The following KLRD1 variants were observed in gnomAD, a reference collection of about 807,000 sequenced individuals.
KLRD1 encodes the protein natural killer cells antigen CD94.
KLRD1 carries 21 observed loss-of-function variants against 22.6 expected under a neutral mutation model. The ratio of observed to expected loss-of-function variants is 0.93; its 90% confidence interval spans 0.66 to 1.34. The LOEUF is 1.34. KLRD1 is among the 40% of genes most tolerant of loss of function. The probability of loss-of-function intolerance (pLI) is 0.00; values close to 1 mark genes in which losing one functional copy is unlikely to be tolerated. For missense variants in KLRD1, 183 were observed against 208.6 expected (o/e 0.88, Z 0.76); for synonymous variants, 59 against 71.1 (o/e 0.83, Z 0.85).
At chr12:10,242,442 A>G (rs1220211979) in intron 1 of KLRD1, among the ~76,000 whole-genome samples, 1 of 152,174 alleles carries the variant, frequency 6.6e-6, no homozygotes, top group Non-Finnish European at 1.5e-5. Flanking sequence ...CAAAGCAGCT[A>G]CCCACTGTAC....
intron 1 of KLRD1, among the ~76,000 whole-genome samples, chr12:10,243,778 A>G (rs969349988): frequency 2.0e-4 from 31 of 152,260 alleles, no homozygotes; most frequent in Middle Eastern, 3.4e-3. Context: ...TATAATGTGA[A>G]ATAGTGATCT....
Position 10,239,274 on chromosome 12 carries a change from T to TC in KLRD1, c.-101+13042dup, listed in dbSNP as rs1162135186. On this transcript the variant is annotated intron_variant, in intron 1 of 5. Transcript: ENST00000544747. ...AGCAAACAAACTTGTATAATTAATC[T>TC]CTAGGAGCACGGGTTCTAATAAGCC... 2.6e-5 allele frequency among the ~76,000 whole-genome samples: 4 copies of TC among 152,266 alleles called. No individual in the cohort carries two copies. The East Asian group carries it at 7.7e-4, about 29-fold the overall frequency.
intron 1 of KLRD1, among the ~76,000 whole-genome samples, chr12:10,293,691 CT>C (rs1302121569): frequency 6.6e-6 from 1 of 151,926 alleles, no homozygotes; most frequent in Non-Finnish European, 1.5e-5. Flanking sequence ...TGAGCACATG[CT>C]TTAAAAAAAA....
At chr12:10,307,679 T>G (rs1186554996), upstream of KLRD1, 2 of 161,384 alleles carry the variant, frequency 1.2e-5, no homozygotes, top group African/African-American at 2.4e-5. Flanking sequence ...ATTTCCTTCA[T>G]TTTCCAGATA....
chr12:10,309,460 T>C lies in KLRD1; in HGVS notation c.80T>C (p.Leu27Ser), dbSNP rs1461290543. Residue 27 changes from leucine to serine, a missense_variant, in exon 2 of 6, where the codon TTG becomes TCG. Leu to Ser is a moderately radical substitution (Grantham distance 145). Coordinates refer to ENST00000336164, the MANE Select transcript of KLRD1 (RefSeq NM_002262.5). Reference protein sequence around the residue: ...GIICLSLMSTLGILLKNSFTK... With the variant: ...GIICLSLMSTSGILLKNSFTK... ...ATATGCCTTTCGTTGATGTCTACGT[T>C]GGGAATTTTGTTGAAAAATTGTAAG... The C allele has an allele frequency of 2.0e-6, 3 of 1,519,148 alleles. No homozygotes were observed. The highest frequency in any genetic ancestry group is 2.7e-6 in the Non-Finnish European group (3 of 1,093,314). The allele number at this position is 1,519,148 out of a possible 1,614,324, so 94.1% of individuals were successfully genotyped here.
chr12:10,274,745 G>T (rs1949577982), intron 1 of KLRD1, among the ~76,000 whole-genome samples: 1 of 151,908 alleles, frequency 6.6e-6, no homozygotes, highest in South Asian at 2.1e-4. Flanking sequence ...ATTATATTTA[G>T]TTCTTTTACA....
intron 1 of KLRD1, among the ~76,000 whole-genome samples, chr12:10,287,682 A>T (rs995582892): frequency 2.6e-5 from 4 of 152,230 alleles, no homozygotes; most frequent in African/African-American, 4.8e-5. Flanking sequence ...GTAACTAAAA[A>T]TTTGCTAGGA....
At chr12:10,243,945 A>G (rs1457294326) in intron 1 of KLRD1, among the ~76,000 whole-genome samples, 1 of 152,176 alleles carries the variant, frequency 6.6e-6, no homozygotes, top group Non-Finnish European at 1.5e-5. Flanking sequence ...AGGTGTCAGT[A>G]CCTCACACGA....
chr12:10,264,703 T>TGTGTGTGTGTGTGTGTGTG (rs55751873), intron 1 of KLRD1, among the ~76,000 whole-genome samples: 1 of 150,392 alleles, frequency 6.6e-6, no homozygotes, highest in African/African-American at 2.4e-5. Flanking sequence ...TGTGTGTGTG[T>TGTGTGTGTGTGTGTGTGTG]AGTGAGAACA....
chr12:10,240,298 C>T (rs544895005), intron 1 of KLRD1, among the ~76,000 whole-genome samples: 1 of 152,046 alleles, frequency 6.6e-6, no homozygotes, highest in East Asian at 1.9e-4. Flanking sequence ...TGAGCTCAAG[C>T]GATCTGCCCG....
intron 4 of KLRD1, among the ~76,000 whole-genome samples, chr12:10,311,976 T>C (rs1351716922): frequency 6.6e-6 from 1 of 152,020 alleles, no homozygotes; most frequent in African/African-American, 2.4e-5. Flanking sequence ...TATAATTTTA[T>C]AGTTTTTGTC....
intron 4 of KLRD1, among the ~76,000 whole-genome samples, chr12:10,312,051 C>CTTTTTT (rs71049085): frequency 1.9e-4 from 24 of 123,178 alleles, no homozygotes; most frequent in African/African-American, 2.7e-4. Context: ...CTTTTCTTTT[C>CTTTTTT]TTTTTTTTTT....
Position 10,315,516 on chromosome 12 carries a change from A to G in KLRD1, c.*723A>G, listed in dbSNP as rs1950203579. The G allele has an allele frequency of 6.0e-6, 1 of 167,712 alleles. No individual in the cohort carries two copies. Among genetic ancestry groups the G allele is most frequent in the Non-Finnish European group, 1.3e-5 (1 of 77,458 alleles). The allele number at this position is 167,712 out of a possible 1,614,324, so 10.4% of individuals were successfully genotyped here. On this transcript the variant is annotated 3_prime_UTR_variant, in exon 6 of 6. Transcript: ENST00000336164. The stretch of plus-strand genomic sequence containing the variant: ...TAGGATGAAAAATAATATCTTTCAA[A>G]TGTTTAATTTGAACTAAGAGAGCTT...
Position 10,309,696 on chromosome 12 carries a change from A to T in KLRD1, c.163+8A>T, listed in dbSNP as rs142113165. 1.2e-6 allele frequency: 2 copies of T among 1,606,822 alleles called. No individual in the cohort carries two copies. Among genetic ancestry groups the T allele is most frequent in the Non-Finnish European group, 1.7e-6 (2 of 1,173,792 alleles). ...ACATAGAACTCCAGAAAGGTAGGTC[A>T]CATTTTTTGGAAAACTTAGCATTGG... is the stretch of plus-strand genomic sequence containing the variant. On this transcript the variant is annotated splice_region_variant and intron_variant, in intron 3 of 5. Coordinates refer to ENST00000336164, the MANE Select transcript of KLRD1 (RefSeq NM_002262.5).
chr12:10,258,107 T>C (rs1949416698), intron 1 of KLRD1, among the ~76,000 whole-genome samples: 2 of 151,944 alleles, frequency 1.3e-5, no homozygotes, highest in African/African-American at 4.9e-5. Flanking sequence ...ACAAACTTGC[T>C]AGCCTGCTGA....
chr12:10,239,469 C>CCTTATT (rs1565443197), intron 1 of KLRD1, among the ~76,000 whole-genome samples: 5 of 122,236 alleles, frequency 4.1e-5, no homozygotes, highest in East Asian at 2.6e-4. Flanking sequence ...TTCCTTCCTT[C>CCTTATT]CTTCCTTCCT....
chr12:10,296,462 G>A (rs1337000956), intron 1 of KLRD1, among the ~76,000 whole-genome samples: 1 of 152,076 alleles, frequency 6.6e-6, no homozygotes, highest in Non-Finnish European at 1.5e-5. Context: ...CTTGCAGTGA[G>A]CCGAAATTGC....
intron 1 of KLRD1, among the ~76,000 whole-genome samples, chr12:10,250,479 C>G (rs2908451): frequency 3.3e-5 from 5 of 151,476 alleles, no homozygotes; most frequent in Non-Finnish European, 7.4e-5. Context: ...TTTTTTGAGA[C>G]GGGGTCTCAC....
chr12:10,267,208 A>G (rs535702419), intron 1 of KLRD1, among the ~76,000 whole-genome samples: 49 of 152,090 alleles, frequency 3.2e-4, no homozygotes, highest in Admixed American at 3.1e-3. Context: ...CTGATTTATC[A>G]TGAAAATACA....
Sources: allele counts gnomAD v4.1 joint callset (sites outside exome capture counted in the v4.1 genomes callset), GRCh38; gene constraint gnomAD v4.1.1; transcripts MANE v1.5; gene names NCBI Gene and HGNC (gene_info 2026-07-23, HGNC 2026-07-21).